The following ERAP1 variants were observed in gnomAD, a reference collection of about 807,000 sequenced individuals.
ERAP1 encodes the protein endoplasmic reticulum aminopeptidase 1.
In ERAP1, 86 loss-of-function variants were observed where a neutral mutation model predicts 103.7. That is an observed-to-expected ratio of 0.83 (90% CI 0.70 to 0.99). The LOEUF is 0.99. ERAP1 is among the 50% of genes least tolerant of loss of function. ERAP1 has a pLI of 0.00. For synonymous variants in ERAP1, 398 were observed against 402.4 expected (o/e 0.99, Z 0.13); for missense variants, 1,009 against 1,128.4 (o/e 0.89, Z 1.52).
chr5:96,822,082 C>T, the ERAP1 span, among the ~76,000 whole-genome samples: 18 of 152,282 alleles, frequency 1.2e-4, no homozygotes, highest in Middle Eastern at 3.4e-3. Context: ...CGTTATCTCC[C>T]GCCATTCCTC....
chr5:96,878,485 C>T, the ERAP1 span, among the ~76,000 whole-genome samples: 1 of 152,064 alleles, frequency 6.6e-6, no homozygotes, highest in Admixed American at 6.6e-5. Context: ...AAAATAGAGA[C>T]ATCTTGCACA....
chr5:96,814,624 G>A, the ERAP1 span, among the ~76,000 whole-genome samples: 1 of 152,282 alleles, frequency 6.6e-6, no homozygotes, highest in Non-Finnish European at 1.5e-5. Context: ...ATCAATGATA[G>A]CTTTTTTCCT....
the ERAP1 span, among the ~76,000 whole-genome samples, chr5:96,882,188 G>C: frequency 1.3e-5 from 2 of 152,200 alleles, no homozygotes; most frequent in East Asian, 1.9e-4. Context: ...GATAGGAAAA[G>C]TGTCAACTTC....
the ERAP1 span, among the ~76,000 whole-genome samples, chr5:96,845,330 G>T: frequency 6.6e-6 from 1 of 152,022 alleles, no homozygotes; most frequent in Admixed American, 6.6e-5. Flanking sequence ...CACCTTCCAG[G>T]TTCAAGTGAT....
the ERAP1 span, among the ~76,000 whole-genome samples, chr5:96,850,814 A>G: frequency 6.6e-6 from 1 of 152,226 alleles, no homozygotes; most frequent in Non-Finnish European, 1.5e-5. Context: ...CCAGAAAGCC[A>G]ATATTTGTAC....
chr5:96,896,369 T>A, the ERAP1 span: 28 of 1,606,814 alleles, frequency 1.7e-5, no homozygotes, highest in Non-Finnish European at 2.2e-5. Context: ...TTCTCCCTGT[T>A]TAGGATGACT....
At chr5:96,840,716 T>G in the ERAP1 span, among the ~76,000 whole-genome samples, 1 of 151,954 alleles carries the variant, frequency 6.6e-6, no homozygotes, top group Non-Finnish European at 1.5e-5. Flanking sequence ...TTTTTTCTTT[T>G]TTTTTTTTGA....
At chr5:96,852,983 A>T in the ERAP1 span, among the ~76,000 whole-genome samples, 7 of 152,296 alleles carry the variant, frequency 4.6e-5, no homozygotes, top group Admixed American at 2.6e-4. Flanking sequence ...TAGACTGTAG[A>T]CGACTTTAAA....
chr5:96,848,322 A>G, the ERAP1 span, among the ~76,000 whole-genome samples: 32,677 of 152,156 alleles, frequency 0.21, 4,250 homozygotes, highest in East Asian at 0.45. Context: ...AAGTACTGGG[A>G]TTACAGGCAT....
the ERAP1 span, chr5:96,913,545 C>G: frequency 6.9e-7 from 1 of 1,442,368 alleles, no homozygotes; most frequent in Non-Finnish European, 9.6e-7. Flanking sequence ...TTTCTCAAAG[C>G]ATATAAATAA....
exon 20 of ERAP1, chr5:96,762,242 CAT>C (rs748339517): frequency 1.2e-5 from 17 of 1,416,332 alleles, no homozygotes; most frequent in Admixed American, 5.5e-5. Context: ...TTATATACAA[CAT>C]GTTACTAATA....
chr5:96,799,487 A>G (rs1288872180), intron 3 of ERAP1, among the ~76,000 whole-genome samples: 1 of 152,018 alleles, frequency 6.6e-6, no homozygotes, highest in East Asian at 1.9e-4. Context: ...CACTAAGTGG[A>G]TCCTGGATAT....
chr5:96,858,777 A>G, the ERAP1 span, among the ~76,000 whole-genome samples: 1 of 152,172 alleles, frequency 6.6e-6, no homozygotes, highest in Admixed American at 6.6e-5. Flanking sequence ...ATGTAAATAG[A>G]TAGTTACTGT....
In ERAP1 at chr5:96,775,194, A is replaced by G. The variant is rs1015926555; in HGVS notation, c.*1202T>C. 12 of 985,424 alleles carry G rather than the reference A, an allele frequency of 1.2e-5. No individual in the cohort carries two copies. Among genetic ancestry groups the G allele is most frequent in the South Asian group, 4.7e-5 (1 of 21,294 alleles). The allele number at this position is 985,424 out of a possible 1,614,324, so 61.0% of individuals were successfully genotyped here. A position where few individuals can be genotyped will look rare whatever the true frequency, so the allele number is the denominator to read the frequency against. The stretch of plus-strand genomic sequence containing the variant: ...ACCATGTTAGTAAACTGTGCTTTCT[A>G]TTATTATCATCTATACATAAAACCT... On this transcript the variant is annotated 3_prime_UTR_variant, in exon 19 of 19. Transcript: ENST00000443439.
the ERAP1 span, among the ~76,000 whole-genome samples, chr5:96,923,775 TA>T: frequency 6.6e-6 from 1 of 152,154 alleles, no homozygotes; most frequent in Non-Finnish European, 1.5e-5. Context: ...ATTTCACCAT[TA>T]TAGATTTATT....
At chr5:96,798,042 T>C (rs1275976071) in intron 3 of ERAP1, among the ~76,000 whole-genome samples, 1 of 152,116 alleles carries the variant, frequency 6.6e-6, no homozygotes, top group Non-Finnish European at 1.5e-5. Flanking sequence ...GAAAGTAACC[T>C]GGGCCGGACA....
the ERAP1 span, among the ~76,000 whole-genome samples, chr5:96,904,603 T>C: frequency 6.6e-6 from 1 of 152,166 alleles, no homozygotes; most frequent in South Asian, 2.1e-4. Flanking sequence ...AGTGAATGCA[T>C]GAAAGGTGAG....
chr5:96,896,375 T>A, the ERAP1 span: 1 of 1,608,456 alleles, frequency 6.2e-7, no homozygotes, highest in Non-Finnish European at 8.5e-7. Flanking sequence ...CTGTTTAGGA[T>A]GACTATTTTT....
Position 96,785,803 on chromosome 5 carries a change from G to T in ERAP1, c.1928C>A (p.Ala643Glu). 1 of 1,614,132 alleles carries T rather than the reference G, an allele frequency of 6.2e-7. No homozygotes were observed. Among genetic ancestry groups the T allele is most frequent in the Non-Finnish European group, 8.5e-7 (1 of 1,179,998 alleles). The change falls in exon 13 of 19, where the codon GCA becomes GAA. Residue 643 changes from alanine to glutamate, a missense_variant. Transcript: ENST00000443439. ...CGTGTATTACCTGACGAGCTGAAATGCATTGTTAATGAGACTCGCCCGATC... is the reference window on the plus strand; with the variant it reads ...CGTGTATTACCTGACGAGCTGAAATTCATTGTTAATGAGACTCGCCCGATC... ...SNDRASLINN[A>E]FQLVSIGKLS...
Sources: allele counts gnomAD v4.1 joint callset (sites outside exome capture counted in the v4.1 genomes callset), GRCh38; gene constraint gnomAD v4.1.1; transcripts MANE v1.5; gene names NCBI Gene and HGNC (gene_info 2026-07-23, HGNC 2026-07-21).